Variants in ADK observed in about 807,000 individuals in gnomAD.
ADK encodes the protein N6,N6-dimethyladenosine kinase.
In ADK, 24 loss-of-function variants were observed where a neutral mutation model predicts 44.7. The ratio of observed to expected loss-of-function variants is 0.54; its 90% CI spans 0.39 to 0.76. The LOEUF (loss-of-function observed/expected upper bound fraction) is 0.76. Among genes scored for constraint, ADK ranks in the 30% least tolerant of loss-of-function variants. ADK has a pLI of 0.00. For missense variants in ADK, 321 were observed against 425.1 expected (o/e 0.76, Z 2.15); for synonymous variants, 128 against 142.6 (o/e 0.90, Z 0.73).
chr10:74,641,954 A>C (rs1294332739), intron 9 of ADK, among the ~76,000 whole-genome samples: 1 of 152,214 alleles, frequency 6.6e-6, no homozygotes, highest in Non-Finnish European at 1.5e-5. Context: ...GGCTCTTTCA[A>C]GGAATCTCTT....
intron 9 of ADK, among the ~76,000 whole-genome samples, chr10:74,644,562 C>G (rs1853992233): frequency 6.6e-6 from 1 of 152,214 alleles, no homozygotes; most frequent in Non-Finnish European, 1.5e-5. Flanking sequence ...GAGGCAGGGT[C>G]TTGCTCTGCC....
At chr10:74,513,970 C>G (rs943330821) in intron 6 of ADK, among the ~76,000 whole-genome samples, 13 of 152,228 alleles carry the variant, frequency 8.5e-5, no homozygotes, top group Non-Finnish European at 1.6e-4. Flanking sequence ...CATGTAAGAC[C>G]CCCTTGAGCA....
chr10:74,380,014 G>C (rs1435800628), intron 4 of ADK, among the ~76,000 whole-genome samples: 1 of 152,140 alleles, frequency 6.6e-6, no homozygotes, highest in Non-Finnish European at 1.5e-5. Flanking sequence ...GACAGAGTGA[G>C]ACTCCATCTC....
At chr10:74,274,759 T>TTA (rs1371778347) in intron 3 of ADK, among the ~76,000 whole-genome samples, 77 of 133,032 alleles carry the variant, frequency 5.8e-4, no homozygotes, top group Non-Finnish European at 8.7e-4. Flanking sequence ...CACACACACA[T>TTA]TATATATATA....
At chr10:74,367,082 A>C (rs1426487162) in intron 4 of ADK, among the ~76,000 whole-genome samples, 1 of 152,186 alleles carries the variant, frequency 6.6e-6, no homozygotes, top group Non-Finnish European at 1.5e-5. Context: ...TTAGTACTCC[A>C]TAAGAAAAAT....
intron 9 of ADK, among the ~76,000 whole-genome samples, chr10:74,601,338 C>T (rs533941547): frequency 6.6e-6 from 1 of 151,974 alleles, no homozygotes; most frequent in South Asian, 2.1e-4. Flanking sequence ...AATATAAAGC[C>T]TGAAATAGGC....
At chr10:74,318,926 T>G (rs1840721039) in intron 4 of ADK, among the ~76,000 whole-genome samples, 1 of 152,242 alleles carries the variant, frequency 6.6e-6, no homozygotes, top group Non-Finnish European at 1.5e-5. Context: ...TTAATGTCAT[T>G]GCACTGGACT....
intron 6 of ADK, among the ~76,000 whole-genome samples, chr10:74,419,025 T>C (rs1428547168): frequency 3.3e-5 from 5 of 152,200 alleles, no homozygotes; most frequent in African/African-American, 1.2e-4. Flanking sequence ...AGTCACCCTT[T>C]TATAGTTTAA....
intron 7 of ADK, among the ~76,000 whole-genome samples, chr10:74,536,108 G>T (rs1303696245): frequency 1.3e-5 from 2 of 151,462 alleles, no homozygotes; most frequent in Non-Finnish European, 2.9e-5. Flanking sequence ...TAAAACTGAT[G>T]ATTCATTTTT....
chr10:74,577,823 C>A (rs1442316424), intron 7 of ADK, among the ~76,000 whole-genome samples: 1 of 152,142 alleles, frequency 6.6e-6, no homozygotes, highest in African/African-American at 2.4e-5. Context: ...CTAGCGCTCT[C>A]TCTTTAAAGT....
chr10:74,616,787 A>G (rs1852775613), intron 9 of ADK, among the ~76,000 whole-genome samples: 1 of 152,134 alleles, frequency 6.6e-6, no homozygotes, highest in South Asian at 2.1e-4. Flanking sequence ...TTTTCAGATT[A>G]TATTGAATCT....
At chr10:74,381,144 A>G (rs889773356) in intron 4 of ADK, among the ~76,000 whole-genome samples, 4 of 152,190 alleles carry the variant, frequency 2.6e-5, no homozygotes, top group Middle Eastern at 3.2e-3. Flanking sequence ...ATCTGTTAAT[A>G]TATGTTAAAA....
chr10:74,695,211 C>T (rs1278742247), intron 10 of ADK, among the ~76,000 whole-genome samples: 1 of 152,030 alleles, frequency 6.6e-6, no homozygotes, highest in African/African-American at 2.4e-5. Context: ...AGTGTATATG[C>T]CTGTTCTTGA....
intron 6 of ADK, among the ~76,000 whole-genome samples, chr10:74,406,273 G>A (rs529900023): frequency 7.2e-4 from 110 of 152,162 alleles, no homozygotes; most frequent in African/African-American, 2.1e-3. Flanking sequence ...GTTTTTGAAA[G>A]GAAGCCTGCT....
intron 6 of ADK, among the ~76,000 whole-genome samples, chr10:74,489,443 A>G (rs901239982): frequency 2.0e-5 from 3 of 151,986 alleles, no homozygotes; most frequent in Admixed American, 6.6e-5. Context: ...TTGAACAAGG[A>G]TACAGATGCA....
chr10:74,685,257 A>G (rs1177594035), intron 10 of ADK, among the ~76,000 whole-genome samples: 1 of 152,216 alleles, frequency 6.6e-6, no homozygotes, highest in Non-Finnish European at 1.5e-5. Context: ...TCCCATATCT[A>G]AATAATTCAT....
intron 3 of ADK, among the ~76,000 whole-genome samples, chr10:74,241,952 A>T (rs371442431): frequency 1.3e-5 from 2 of 152,212 alleles, no homozygotes; most frequent in African/African-American, 4.8e-5. Context: ...TGGTTCTGCA[A>T]ATAAACCTGT....
At chr10:74,460,012 T>C (rs1485376786) in intron 6 of ADK, among the ~76,000 whole-genome samples, 1 of 152,174 alleles carries the variant, frequency 6.6e-6, no homozygotes, top group Non-Finnish European at 1.5e-5. Flanking sequence ...CTTTAAGAAG[T>C]AGGAGCCATT....
intron 4 of ADK, among the ~76,000 whole-genome samples, chr10:74,317,908 A>C (rs1406705573): frequency 6.6e-6 from 1 of 152,008 alleles, no homozygotes; most frequent in African/African-American, 2.4e-5. Flanking sequence ...CAGCCTCCCA[A>C]GTAGCTGGGA....
Sources: allele counts gnomAD v4.1 joint callset (sites outside exome capture counted in the v4.1 genomes callset), GRCh38; gene constraint gnomAD v4.1.1; transcripts MANE v1.5; gene names NCBI Gene and HGNC (gene_info 2026-07-23, HGNC 2026-07-21).